The following LRTM1 variants were observed in gnomAD, a reference collection of about 807,000 sequenced individuals.
LRTM1 encodes the protein leucine-rich repeat and transmembrane domain-containing protein 1.
In LRTM1, 38 loss-of-function variants were observed where a neutral mutation model predicts 32.4. That is an observed-to-expected ratio of 1.17 (90% confidence interval 0.91 to 1.54). The LOEUF is 1.54. Ranked by LOEUF, LRTM1 falls within the 40% of genes most tolerant of loss-of-function variation. The probability of loss-of-function intolerance (pLI) is 0.00; values close to 1 mark genes in which losing one functional copy is unlikely to be tolerated. For synonymous variants in LRTM1, 186 were observed against 169.9 expected, an observed-to-expected ratio of 1.09 and a Z score of -0.74; for missense variants, 466 against 415.4, an observed-to-expected ratio of 1.12 and a Z score of -1.06.
In LRTM1 at chr3:54,918,446, G is replaced by T. The variant is rs770218220; in HGVS notation, c.*13C>A. The T allele has an allele frequency of 6.3e-5, 96 of 1,531,006 alleles. No homozygotes were observed. The highest frequency in any genetic ancestry group is 8.0e-5 in the Non-Finnish European group (90 of 1,128,628). The allele number at this position is 1,531,006 out of a possible 1,614,324, so 94.8% of individuals were successfully genotyped here. A position where few individuals can be genotyped will look rare whatever the true frequency, so the allele number is the denominator to read the frequency against. On this transcript the variant is annotated 3_prime_UTR_variant, in exon 3 of 3. Transcript: ENST00000273286. ...TGGCCTGCAATGACCAATCCTATTTGAGACAAAAGCTCTCAGGCTGGTGAG... is the reference window on the plus strand; with the variant it reads ...TGGCCTGCAATGACCAATCCTATTTTAGACAAAAGCTCTCAGGCTGGTGAG...
intron 1 of LRTM1, among the ~76,000 whole-genome samples, chr3:54,957,053 C>CA (rs1308436674): frequency 6.6e-6 from 1 of 152,112 alleles, no homozygotes; most frequent in Non-Finnish European, 1.5e-5. Flanking sequence ...AAGCTTCTAG[C>CA]AGACACCTGG....
chr3:54,919,003 T>G, intron 2 of LRTM1, 111 bp from the exon 3 acceptor site: 1 of 874,940 alleles, frequency 1.1e-6, no homozygotes, highest in Non-Finnish European at 1.6e-6. Flanking sequence ...ACCTTTTTTT[T>G]TTTTAAATCC....
Position 54,918,511 on chromosome 3 carries a change from T to C in LRTM1, c.986A>G (p.Asn329Ser), listed in dbSNP as rs756712279. Residue 329 changes from asparagine to serine, a missense_variant, in exon 3 of 3, where the codon AAT becomes AGT. By Grantham distance (46) the Asn-to-Ser change is conservative. Coordinates refer to ENST00000273286, the MANE Select transcript of LRTM1 (RefSeq NM_020678.4). Reference sequence around the variant, plus strand: ...TTTTTCTTCCACCTTCCCAGGATCATTGGTTTGAGCCAAGGGTCCCCCATG... The same window carrying C: ...TTTTTCTTCCACCTTCCCAGGATCACTGGTTTGAGCCAAGGGTCCCCCATG... ...QYHGGPLAQT[N>S]DPGKVEEKER... 3 of 1,613,986 alleles carry C rather than the reference T, an allele frequency of 1.9e-6. No homozygotes were observed. The highest frequency in any genetic ancestry group is 2.5e-6 in the Non-Finnish European group (3 of 1,179,962).
intron 1 of LRTM1, among the ~76,000 whole-genome samples, chr3:54,936,080 T>TTTAA (rs1701321533): frequency 6.6e-6 from 1 of 152,170 alleles, no homozygotes. Context: ...CTCTCTGATC[T>TTTAA]TTAACTTCGT....
chr3:54,934,658 G>A (rs1701284989), intron 1 of LRTM1, among the ~76,000 whole-genome samples: 1 of 152,164 alleles, frequency 6.6e-6, no homozygotes. Flanking sequence ...GCCAGGTTCT[G>A]TGTAGACTAG....
Position 54,957,180 on chromosome 3 carries a change from T to C in LRTM1, c.-222+9748A>G, listed in dbSNP as rs947661325. Among the ~76,000 whole-genome samples the C allele has an allele frequency of 2.1e-5, 3 of 139,842 alleles. No homozygotes were observed. The Admixed American group carries it at 2.2e-4, about 10-fold the overall frequency. The allele number at this position is 139,842 out of a possible 152,430, so 91.7% of individuals were successfully genotyped here. A position where few individuals can be genotyped will look rare whatever the true frequency, so the allele number is the denominator to read the frequency against. Reference sequence around the variant, plus strand: ...AAAATAATTTTCTTTTTTTTTTTTTTAGAGACAGGGTTTCTGTCCCCCAGG... The same window carrying C: ...AAAATAATTTTCTTTTTTTTTTTTTCAGAGACAGGGTTTCTGTCCCCCAGG... On this transcript the variant is annotated intron_variant, in intron 1 of 2. Transcript: ENST00000493075.
At chr3:54,955,269 A>G (rs1481162061) in intron 1 of LRTM1, among the ~76,000 whole-genome samples, 3 of 152,218 alleles carry the variant, frequency 2.0e-5, no homozygotes, top group Admixed American at 2.0e-4. Flanking sequence ...CTGCACAGGG[A>G]CAAAGGTTGT....
chr3:54,928,061 G>A, upstream of LRTM1: 1 of 709,518 alleles, frequency 1.4e-6, no homozygotes, highest in Non-Finnish European at 2.5e-6. Flanking sequence ...GCAGAAAACA[G>A]TTGTTGCTTT....
chr3:54,924,698 T>C lies in LRTM1; in HGVS notation c.525A>G (p.Leu175=). 1 of 1,614,098 alleles carries C rather than the reference T, an allele frequency of 6.2e-7. No individual in the cohort carries two copies. Among genetic ancestry groups the C allele is most frequent in the Non-Finnish European group, 8.5e-7 (1 of 1,180,016 alleles). The change falls in exon 2 of 3, where the codon TTA becomes TTG. Residue 175 remains leucine, a synonymous_variant. Coordinates refer to ENST00000273286, the MANE Select transcript of LRTM1 (RefSeq NM_020678.4). ...ATTTCCAGAGGTTGTCCTTGAGAAG[T>C]AAAAGCCTCACACTGGGCATGGATT... ...LLESMPSVRL[L]LLKDNLWKCN... is the part of the protein sequence containing the mutation.
intron 1 of LRTM1, among the ~76,000 whole-genome samples, chr3:54,942,429 A>G (rs544004378): frequency 2.0e-5 from 3 of 152,348 alleles, no homozygotes; most frequent in South Asian, 2.1e-4. Flanking sequence ...AAATAAGCGA[A>G]GAGGGAAATA....
At chr3:54,961,557 T>A (rs1430487578) in intron 1 of LRTM1, among the ~76,000 whole-genome samples, 1 of 152,202 alleles carries the variant, frequency 6.6e-6, no homozygotes, top group African/African-American at 2.4e-5. Context: ...AGCTCTTGGA[T>A]CTGTTTCTCT....
intron 1 of LRTM1, among the ~76,000 whole-genome samples, chr3:54,949,688 C>T (rs1242074976): frequency 6.6e-6 from 1 of 152,192 alleles, no homozygotes; most frequent in African/African-American, 2.4e-5. Context: ...CGCCCAACAT[C>T]GTTGGTCAGG....
At chr3:54,922,958 T>C (rs1403951719) in intron 2 of LRTM1, among the ~76,000 whole-genome samples, 5 of 152,206 alleles carry the variant, frequency 3.3e-5, no homozygotes, top group Admixed American at 3.3e-4. Context: ...ATTAGCAATG[T>C]CTGCCAGTTC....
chr3:54,951,248 A>G (rs1225135928), intron 1 of LRTM1, among the ~76,000 whole-genome samples: 2 of 152,232 alleles, frequency 1.3e-5, no homozygotes, highest in Admixed American at 6.5e-5. Flanking sequence ...TGCAGTGGCC[A>G]CTATGTAGAC....
intron 1 of LRTM1, among the ~76,000 whole-genome samples, chr3:54,926,495 G>A (rs562351501): frequency 7.5e-6 from 1 of 132,544 alleles, no homozygotes; most frequent in South Asian, 2.7e-4. Flanking sequence ...GTGCTCCACT[G>A]CCTGTCAAAT....
At chr3:54,964,239 T>A (rs1702093450) in intron 1 of LRTM1, among the ~76,000 whole-genome samples, 1 of 152,162 alleles carries the variant, frequency 6.6e-6, no homozygotes, top group Non-Finnish European at 1.5e-5. Flanking sequence ...TATCACCAGA[T>A]GCAGTTGTGT....
At position 54,918,818 on chromosome 3, in the gene LRTM1, C is replaced by T; in HGVS notation, c.679G>A (p.Glu227Lys). 6.2e-7 allele frequency: 1 copy of T among 1,610,796 alleles called. No individual in the cohort carries two copies. Among genetic ancestry groups the T allele is most frequent in the Non-Finnish European group, 8.5e-7 (1 of 1,177,940 alleles). ...GGAAGAGGGCAGGGCTGGTACAGCT[C>T]ATGAGGGATCCTAAGGAGGTCCTTT... ...KGKDLLRIPH[E>K]LYQPCPLPAP... Residue 227 changes from glutamate (E) to lysine (K), a missense_variant, in exon 3 of 3, where the codon GAG becomes AAG. Coordinates refer to ENST00000273286, the MANE Select transcript of LRTM1 (RefSeq NM_020678.4).
chr3:54,956,949 G>C (rs974220152), intron 1 of LRTM1, among the ~76,000 whole-genome samples: 12 of 152,066 alleles, frequency 7.9e-5, no homozygotes, highest in African/African-American at 2.4e-4. Flanking sequence ...CTTCTTAGTA[G>C]GAGACTTGAG....
At chr3:54,948,108 G>A (rs770785912) in intron 1 of LRTM1, among the ~76,000 whole-genome samples, 13 of 152,126 alleles carry the variant, frequency 8.5e-5, no homozygotes, top group East Asian at 1.9e-4. Flanking sequence ...AAGTGCTCTC[G>A]ACCTTCCTAT....
Sources: allele counts gnomAD v4.1 joint callset (sites outside exome capture counted in the v4.1 genomes callset), GRCh38; gene constraint gnomAD v4.1.1; transcripts MANE v1.5; gene names NCBI Gene and HGNC (gene_info 2026-07-23, HGNC 2026-07-21).